Variants in AGRN observed in about 807,000 individuals in gnomAD.
AGRN encodes the protein agrin proteoglycan.
A neutral mutation model predicts 211.0 loss-of-function variants in AGRN; 106 were observed. The observed-to-expected ratio is 0.50, with a 90% confidence interval of 0.43 to 0.59. AGRN has a LOEUF of 0.59. Among genes scored for constraint, AGRN ranks in the 20% least tolerant of loss-of-function variants. AGRN has a pLI of 0.00. For missense variants in AGRN, 3,040 were observed against 2,982.6 expected, an observed-to-expected ratio of 1.02 and a Z score of -0.45; for synonymous variants, 1,525 against 1,332.5, an observed-to-expected ratio of 1.14 and a Z score of -3.15.
At chr1:1,051,096 T>TGGCGCCTC in intron 30 of AGRN, 157 bp from the exon 31 acceptor site, 1 of 1,544,058 alleles carries the variant, frequency 6.5e-7, no homozygotes, top group Non-Finnish European at 8.7e-7. Flanking sequence ...ACCCCTAGGG[T>TGGCGCCTC]AGCTCCTCCC....
At chr1:1,030,891 G>A (rs1380674231) in intron 2 of AGRN, among the ~76,000 whole-genome samples, 2 of 96,600 alleles carry the variant, frequency 2.1e-5, no homozygotes, top group African/African-American at 7.4e-5. Context: ...AGATCAGCAT[G>A]TGTGTGTGTG....
chr1:1,044,033 G>T lies in AGRN; in HGVS notation c.1999+10G>T. ...GGGCCGTGCGAGCAGGGTAGGCCGG[G>T]GGACGCTGGCGAAAACTGCTGGGCT... On this transcript the variant is annotated intron_variant, in intron 10 of 35. Coordinates refer to ENST00000379370, the MANE Select transcript of AGRN (RefSeq NM_198576.4). The T allele has an allele frequency of 6.2e-7, 1 of 1,610,886 alleles. No individual in the cohort carries two copies.
chr1:1,052,912 G>A (rs374316052), intron 33 of AGRN: 27 of 163,804 alleles, frequency 1.6e-4, no homozygotes, highest in Admixed American at 2.4e-4. Context: ...GCATGGGTCC[G>A]TGTATATGCG....
Position 1,047,564 on chromosome 1 carries a change from C to G in AGRN, c.3517-9C>G. 6.2e-7 allele frequency: 1 copy of G among 1,612,908 alleles called. No homozygotes were observed. Among genetic ancestry groups the G allele is most frequent in the East Asian group, 2.2e-5 (1 of 44,884 alleles). The stretch of plus-strand genomic sequence containing the variant: ...GGCCCCCCAAGTCCTTGCCTACTCC[C>G]TGCCACAGCTGGACGACCTCTTCCG... On this transcript the variant is annotated splice_polypyrimidine_tract_variant and intron_variant, in intron 20 of 35. Transcript: ENST00000379370.
At chr1:1,028,028 G>A (rs1482083805) in intron 2 of AGRN, among the ~76,000 whole-genome samples, 1 of 152,208 alleles carries the variant, frequency 6.6e-6, no homozygotes, top group Non-Finnish European at 1.5e-5. Flanking sequence ...AGGCTGGGGT[G>A]TGAGCAGGGC....
Position 1,043,931 on chromosome 1 carries a change from G to A in AGRN, c.1907G>A (p.Gly636Asp), listed in dbSNP as rs770985920. 8.7e-6 allele frequency: 14 copies of A among 1,609,076 alleles called. No individual in the cohort carries two copies. In the East Asian group the frequency reaches 2.7e-4, roughly 31 times the overall value. The change falls in exon 10 of 36, where the codon GGT (glycine) becomes GAT (aspartate). Residue 636 changes from glycine (G) to aspartate (D), a missense_variant. Physicochemically the swap from Gly to Asp is moderately conservative, Grantham distance 94 (BLOSUM62 -1). Transcript: ENST00000379370. ...PPPGPVCGSD[G>D]VTYGSACELR... is the part of the protein sequence containing the mutation. ...CCCGGCCCCGTGTGTGGCAGCGACG[G>A]TGTCACCTACGGCAGTGCCTGCGAG...
At chr1:1,027,699 C>T (rs753845486) in intron 2 of AGRN, among the ~76,000 whole-genome samples, 1 of 152,152 alleles carries the variant, frequency 6.6e-6, no homozygotes, top group Non-Finnish European at 1.5e-5. Context: ...TGCGGGACCT[C>T]GAGACTGACA....
At position 1,020,272 on chromosome 1, in the gene AGRN, C is replaced by G; in HGVS notation, c.100C>G (p.Arg34Gly). 1 of 1,468,884 alleles carries G rather than the reference C, an allele frequency of 6.8e-7. No homozygotes were observed. The highest frequency in any genetic ancestry group is 2.3e-5 in the Admixed American group (1 of 42,672). 91.0% of individuals were successfully genotyped at this position (1,468,884 alleles called of 1,614,324 possible). A position where few individuals can be genotyped will look rare whatever the true frequency, so the allele number is the denominator to read the frequency against. Reference protein sequence around the residue: ...LPGAGGTCPERALERREEEAN... With the variant: ...LPGAGGTCPEGALERREEEAN... Reference sequence around the variant, plus strand: ...CGGAGCCGGCGGGACATGCCCGGAGCGCGCGCTGGAGCGGCGCGAGGAGGA... The same window carrying G: ...CGGAGCCGGCGGGACATGCCCGGAGGGCGCGCTGGAGCGGCGCGAGGAGGA... The change falls in exon 1 of 36, where the codon CGC (arginine) becomes GGC (glycine). Residue 34 changes from arginine (R) to glycine (G), a missense_variant. Arg to Gly is a moderately radical substitution (Grantham distance 125). Transcript: ENST00000379370.
rs1225929192 is a variant in AGRN, at chr1:1,032,732, C to T, written c.464-2545C>T. On this transcript the variant is annotated intron_variant, in intron 2 of 35. Transcript: ENST00000379370. This position sits in a 1 kb window ranked among gnomAD's most constrained non-coding sequence, Gnocchi z 4.7. ...GGTCCTTGCTTTCCTGGAGCTGGGG[C>T]TTGGGGAATGGGGTCGGTCATTGCA... Among the ~76,000 whole-genome samples, 2 of 152,136 alleles carry T rather than the reference C, an allele frequency of 1.3e-5. No individual in the cohort carries two copies. The highest frequency in any genetic ancestry group is 2.9e-5 in the Non-Finnish European group (2 of 68,012).
chr1:1,047,524 C>A, intron 20 of AGRN, 49 bp from the exon 21 acceptor site: 1 of 1,612,556 alleles, frequency 6.2e-7, no homozygotes, highest in Non-Finnish European at 8.5e-7. Context: ...AGCACCAGGG[C>A]AGCCCGGCTT....
chr1:1,043,316 T>C lies in AGRN; in HGVS notation c.1462T>C (p.Cys488Arg). The change falls in exon 8 of 36, where the codon TGT (cysteine) becomes CGT (arginine). Residue 488 changes from cysteine to arginine, a missense_variant. By Grantham distance (180) the Cys-to-Arg change is radical. This residue lies in a region of AGRN where 1,498 missense variants were observed against 1,457.8 expected (regional missense o/e 1.03). Transcript: ENST00000379370. ...TCAVKNGQAA[C>R]ECLQACSSLY... The stretch of plus-strand genomic sequence containing the variant: ...TGCTGTGAAGAACGGGCAGGCAGCG[T>C]GTGAATGCCTGCAGGCGTGCTCGAG... 6.2e-7 allele frequency: 1 copy of C among 1,610,708 alleles called. No individual in the cohort carries two copies. Among genetic ancestry groups the C allele is most frequent in the Non-Finnish European group, 8.5e-7 (1 of 1,179,324 alleles).
In AGRN at chr1:1,042,098, CTGGCGGCAGCAGGCTGAG is replaced by C; in HGVS notation, c.1323_1340del (p.Trp441_Glu446del). 1 of 1,603,458 alleles carries C rather than the reference CTGGCGGCAGCAGGCTGAG, an allele frequency of 6.2e-7. No homozygotes were observed. On this transcript the variant is annotated inframe_deletion, in exon 7 of 36. Coordinates refer to ENST00000379370, the MANE Select transcript of AGRN (RefSeq NM_198576.4). ...ACGGGCGCACGTATGACAGTGATTG[CTGGCGGCAGCAGGCTGAG>C]TGCCGGCAGCAGCGTGCCATCCCCA...
At position 1,048,001 on chromosome 1, in the gene AGRN, T is replaced by C. The variant is rs1645150444; in HGVS notation, c.3752-11T>C. On this transcript the variant is annotated splice_polypyrimidine_tract_variant and intron_variant, in intron 22 of 35. Transcript: ENST00000379370. This position sits in a 1 kb window ranked among gnomAD's most constrained non-coding sequence, Gnocchi z 5.9. Reference sequence around the variant, plus strand: ...CTCCCAGGAAACCCTAACAGCTCCCTGTGCCGGCAGACTGGTTTCCTGCGT... The same window carrying C: ...CTCCCAGGAAACCCTAACAGCTCCCCGTGCCGGCAGACTGGTTTCCTGCGT... 1.3e-6 allele frequency: 2 copies of C among 1,574,590 alleles called. No homozygotes were observed. Among genetic ancestry groups the C allele is most frequent in the Non-Finnish European group, 1.7e-6 (2 of 1,162,062 alleles).
intron 20 of AGRN, 36 bp downstream of exon 20, chr1:1,047,490 C>G (rs373170646): frequency 6.2e-7 from 1 of 1,612,814 alleles, no homozygotes; most frequent in Non-Finnish European, 8.5e-7. Context: ...TACCCACTGG[C>G]CTTCCTCCCC....
intron 2 of AGRN, among the ~76,000 whole-genome samples, chr1:1,033,070 G>A (rs541851658): frequency 1.3e-5 from 2 of 152,038 alleles, no homozygotes; most frequent in African/African-American, 4.8e-5. Flanking sequence ...GGGCCGCAGT[G>A]ACGTCAGGGC....
chr1:1,042,013 C>A lies in AGRN; in HGVS notation c.1235C>A (p.Pro412His), dbSNP rs912828963. Residue 412 changes from proline (P) to histidine (H), a missense_variant, in exon 7 of 36, where the codon CCC becomes CAC. Physicochemically the swap from Pro to His is moderately conservative, Grantham distance 77. Around this residue, in one of 3 missense-constraint regions of AGRN, gnomAD observed 1,498 missense variants for 1,457.8 expected, o/e 1.03. Coordinates refer to ENST00000379370, the MANE Select transcript of AGRN (RefSeq NM_198576.4). ...GTGTGCCTGTCCCGCCGTGGCCGTCCCCGCTGCTCCTGCGACCGCGTCACC... is the reference window on the plus strand; with the variant it reads ...GTGTGCCTGTCCCGCCGTGGCCGTCACCGCTGCTCCTGCGACCGCGTCACC... ...NAVCLSRRGR[P>H]RCSCDRVTCD... The A allele has an allele frequency of 6.2e-7, 1 of 1,611,300 alleles. No homozygotes were observed. Among genetic ancestry groups the A allele is most frequent in the Admixed American group, 1.7e-5 (1 of 59,992 alleles).
intron 2 of AGRN, among the ~76,000 whole-genome samples, chr1:1,030,449 T>A (rs1644639069): frequency 1.5e-5 from 1 of 65,964 alleles, no homozygotes; most frequent in African/African-American, 5.7e-5. Context: ...TGGTGCTGTG[T>A]GAGATCAGCA....
At chr1:1,034,334 C>G (rs1377452122) in intron 2 of AGRN, 2 of 985,376 alleles carry the variant, frequency 2.0e-6, no homozygotes, top group African/African-American at 1.7e-5. Flanking sequence ...TTTGGGATTT[C>G]TACTCCGGGA....
In AGRN at chr1:1,046,855, C is replaced by T. The variant is rs766445747; in HGVS notation, c.3286C>T (p.Pro1096Ser). ...EPLEGSSVAT[P>S]GPPVERASCY... ...CTTGGAGGGCAGCAGCGTGGCCACC[C>T]CTGGGCCACCTGTCGAGAGGGCTTC... Residue 1096 changes from proline (P) to serine (S), a missense_variant, in exon 19 of 36, where the codon CCT becomes TCT. Transcript: ENST00000379370. 57 of 1,586,522 alleles carry T rather than the reference C, an allele frequency of 3.6e-5. No individual in the cohort carries two copies. The East Asian group carries it at 1.2e-3, about 34-fold the overall frequency.
Sources: allele counts gnomAD v4.1 joint callset (sites outside exome capture counted in the v4.1 genomes callset), GRCh38; gene constraint gnomAD v4.1.1; regional missense constraint gnomAD v4.1.1; non-coding constraint Gnocchi (gnomAD v3.1); transcripts MANE v1.5; gene names NCBI Gene and HGNC (gene_info 2026-07-23, HGNC 2026-07-21).